Variants in NIN observed in about 807,000 individuals in gnomAD.
The protein encoded by NIN is glycogen synthase kinase 3 beta-interacting protein.
Under a neutral mutation model 257.6 loss-of-function variants are expected in NIN, and 137 were observed. That is an observed-to-expected ratio of 0.53 (90% confidence interval 0.46 to 0.61). The LOEUF (loss-of-function observed/expected upper bound fraction) is 0.61, where lower values mean the gene tolerates loss of function less well. Among genes scored for constraint, NIN ranks in the 20% least tolerant of loss-of-function variants. The probability of loss-of-function intolerance (pLI) is 0.00; values close to 1 mark genes in which losing one functional copy is unlikely to be tolerated. For missense variants in NIN, 2,439 were observed against 2,501.2 expected, an observed-to-expected ratio of 0.98 and a Z score of 0.53; for synonymous variants, 918 against 919.8, an observed-to-expected ratio of 1.00 and a Z score of 0.04.
intron 5 of NIN, among the ~76,000 whole-genome samples, chr14:50,784,863 T>C (rs183481034): frequency 4.6e-5 from 7 of 152,272 alleles, no homozygotes; most frequent in African/African-American, 1.4e-4. Context: ...CTGCAGACAG[T>C]GTCCCCTAGG....
At position 50,770,391 on chromosome 14, in the gene NIN, T is replaced by C. The variant is rs1422162751; in HGVS notation, c.1431A>G (p.Leu477=). 1.2e-6 allele frequency: 2 copies of C among 1,614,088 alleles called. No individual in the cohort carries two copies. ...NYIRDRLALS[L]KENSRLENEL... is the part of the protein sequence containing the mutation. ...ACAGAACTAATAAGATGATTACCTT[T>C]AAAGAGAGGGCAAGGCGGTCCCGGA... The change falls in exon 12 of 31, where the codon TTA becomes TTG. Residue 477 remains leucine, a synonymous_variant. Transcript: ENST00000530997.
At chr14:50,733,138 G>A (rs2040803315) in intron 28 of NIN, among the ~76,000 whole-genome samples, 1 of 151,564 alleles carries the variant, frequency 6.6e-6, no homozygotes, top group Non-Finnish European at 1.5e-5. Flanking sequence ...TGTTGCCTAG[G>A]CTGGAGTGCA....
intron 17 of NIN, 135 bp downstream of exon 17, chr14:50,759,722 C>T: frequency 1.1e-6 from 1 of 883,562 alleles, no homozygotes; most frequent in Non-Finnish European, 1.7e-6. Flanking sequence ...ATCTCCTGAC[C>T]TCGTGATCCG....
chr14:50,729,594 G>C lies in NIN; in HGVS notation c.6007C>G (p.Gln2003Glu). 1 of 1,614,074 alleles carries C rather than the reference G, an allele frequency of 6.2e-7. No homozygotes were observed. Among genetic ancestry groups the C allele is most frequent in the South Asian group, 1.1e-5 (1 of 91,026 alleles). Residue 2003 changes from glutamine to glutamate, a missense_variant, in exon 29 of 31, where the codon CAG (glutamine) becomes GAG (glutamate). By Grantham distance (29) the Gln-to-Glu change is conservative. This residue lies in a region of NIN where 2,043 missense variants were observed against 2,050.2 expected (regional missense o/e 1.00). Transcript: ENST00000530997. Reference sequence around the variant, plus strand: ...AGGTGCTGGTTTATCCTTTCTGCCTGCAGCAGCTGGCGTTGAAGCTGCAGA... The same window carrying C: ...AGGTGCTGGTTTATCCTTTCTGCCTCCAGCAGCTGGCGTTGAAGCTGCAGA... ...QFLQLQRQLL[Q>E]AERINQHLQE...
intron 26 of NIN, among the ~76,000 whole-genome samples, chr14:50,738,752 G>T (rs573707514): frequency 2.0e-5 from 3 of 152,204 alleles, no homozygotes; most frequent in African/African-American, 7.2e-5. Flanking sequence ...AGCAGTTTCT[G>T]GCATGGAGTA....
intron 24 of NIN, 97 bp from the exon 25 acceptor site, chr14:50,741,825 C>T: frequency 1.5e-6 from 2 of 1,364,744 alleles, no homozygotes; most frequent in Non-Finnish European, 2.0e-6. Context: ...ACTTTCAAGT[C>T]TGTTTGTTTC....
At position 50,723,661 on chromosome 14, in the gene NIN, G is replaced by A. The variant is rs1374148587; in HGVS notation, c.6204C>T (p.Asn2068=). The change falls in exon 31 of 31, where the codon AAC becomes AAT. Residue 2068 remains asparagine (N), a synonymous_variant. Transcript: ENST00000530997. The part of the protein sequence containing the change: ...VNQLKEQLCK[N]TKADAMVKDL... ...CCTTCACCATTGCGTCTGCCTTAGT[G>A]TTCTTGCAGAGCTAGAAACAGAACC... 6.2e-7 allele frequency: 1 copy of A among 1,613,546 alleles called. No individual in the cohort carries two copies. Among genetic ancestry groups the A allele is most frequent in the African/African-American group, 1.3e-5 (1 of 74,906 alleles).
Position 50,741,349 on chromosome 14 carries a change from A to G in NIN, c.5448+233T>C, listed in dbSNP as rs549715291. 2.0e-5 allele frequency among the ~76,000 whole-genome samples: 3 copies of G among 152,348 alleles called. No homozygotes were observed. The East Asian group carries it at 5.8e-4, about 29-fold the overall frequency. On this transcript the variant is annotated intron_variant, in intron 25 of 30. Transcript: ENST00000530997. ...AAGCATCCCTAAACTACAGTGGCAG[A>G]GGGTACAAAAGTGGTTCCCTTGGGG...
At chr14:50,798,783 T>C (rs2043954721) in intron 4 of NIN, among the ~76,000 whole-genome samples, 1 of 152,162 alleles carries the variant, frequency 6.6e-6, no homozygotes, top group Non-Finnish European at 1.5e-5. Context: ...TAGCTCCCTA[T>C]TTATTTATTT....
At chr14:50,764,089 A>C in intron 14 of NIN, 125 bp from the exon 15 acceptor site, 1 of 767,800 alleles carries the variant, frequency 1.3e-6, no homozygotes, top group South Asian at 1.8e-5. Context: ...GACACTATCA[A>C]GAAAGTAGAA....
At position 50,757,674 on chromosome 14, in the gene NIN, G is replaced by A. The variant is rs2042093612; in HGVS notation, c.3356C>T (p.Thr1119Ile). The A allele has an allele frequency of 6.2e-7, 1 of 1,614,142 alleles. No homozygotes were observed. The highest frequency in any genetic ancestry group is 1.1e-5 in the South Asian group (1 of 91,080). ...TAAAAACTGCTCTGTTTGTTCCGCA[G>A]TATTTCCAAAAAACTCAGTAGCTGG... Reference protein sequence around the residue: ...DEPATEFFGNTAEQTEQFLQQ... With the variant: ...DEPATEFFGNIAEQTEQFLQQ... The change falls in exon 18 of 31, where the codon ACT becomes ATT. Residue 1119 changes from threonine (T) to isoleucine (I), a missense_variant. This residue lies in a region of NIN where 2,043 missense variants were observed against 2,050.2 expected (regional missense o/e 1.00). Transcript: ENST00000530997.
intron 3 of NIN, among the ~76,000 whole-genome samples, chr14:50,810,725 G>GA (rs1470858791): frequency 6.6e-6 from 1 of 151,218 alleles, no homozygotes; most frequent in African/African-American, 2.4e-5. Context: ...GCAGTGGCGT[G>GA]TCTCGGCTCA....
At chr14:50,801,814 C>CTG (rs2044115542) in intron 4 of NIN, among the ~76,000 whole-genome samples, 1 of 152,116 alleles carries the variant, frequency 6.6e-6, no homozygotes, top group African/African-American at 2.4e-5. Context: ...CAAAACAATG[C>CTG]CTGGTCCTAT....
intron 5 of NIN, chr14:50,792,300 C>G (rs1023545918): frequency 6.0e-6 from 1 of 165,506 alleles, no homozygotes; most frequent in Admixed American, 5.9e-5. Flanking sequence ...AATGCCTGAA[C>G]GCGTTGCTTT....
At position 50,758,622 on chromosome 14, in the gene NIN, AT is replaced by A; in HGVS notation, c.2407del (p.Met803TrpfsTer12). ...GGTTCTTCTATTACACTCTGTTTCC[AT>A]TTTTTCCCTAAATATAGTCAACATA... ...QRELQEGREK[M>X]ETECNRRTSQ... On this transcript the variant is annotated frameshift_variant, in exon 18 of 31. Coordinates refer to ENST00000530997, the MANE Select transcript of NIN (RefSeq NM_020921.4). LOFTEE classifies it high-confidence loss of function. The A allele has an allele frequency of 6.4e-7, 1 of 1,556,704 alleles. No homozygotes were observed. The highest frequency in any genetic ancestry group is 2.1e-5 in the Admixed American group (1 of 48,562).
intron 14 of NIN, among the ~76,000 whole-genome samples, chr14:50,765,471 C>T (rs2042443092): frequency 6.6e-6 from 1 of 152,134 alleles, no homozygotes; most frequent in Admixed American, 6.5e-5. Context: ...TTGTTTTACT[C>T]ATCTCTGCAC....
At chr14:50,810,305 A>G (rs1408820862) in intron 3 of NIN, among the ~76,000 whole-genome samples, 1 of 151,974 alleles carries the variant, frequency 6.6e-6, no homozygotes, top group Non-Finnish European at 1.5e-5. Context: ...CCTGATTATT[A>G]TAAACTTCAT....
At position 50,756,634 on chromosome 14, in the gene NIN, T is replaced by A; in HGVS notation, c.4396A>T (p.Arg1466Trp). The change falls in exon 18 of 31, where the codon AGG (arginine) becomes TGG (tryptophan). Residue 1466 changes from arginine (R) to tryptophan (W), a missense_variant. Physicochemically the swap from Arg to Trp is moderately radical, Grantham distance 101 (BLOSUM62 -3). Coordinates refer to ENST00000530997, the MANE Select transcript of NIN (RefSeq NM_020921.4). ...ATAGTGACTCTCTCCTTCAACTTCC[T>A]AGTCAGCTCCTGTAACTTTGTTTTC... ...LEKTKLQELT[R>W]KLKERVTILV... The A allele has an allele frequency of 6.4e-7, 1 of 1,559,208 alleles. No homozygotes were observed. Among genetic ancestry groups the A allele is most frequent in the Non-Finnish European group, 8.7e-7 (1 of 1,150,272 alleles).
intron 3 of NIN, among the ~76,000 whole-genome samples, chr14:50,811,153 G>A (rs2044580028): frequency 6.7e-6 from 1 of 149,932 alleles, no homozygotes; most frequent in African/African-American, 2.5e-5. Context: ...TTGTCACCCA[G>A]GCTGGAGTGC....
Sources: allele counts gnomAD v4.1 joint callset (sites outside exome capture counted in the v4.1 genomes callset), GRCh38; gene constraint gnomAD v4.1.1; regional missense constraint gnomAD v4.1.1; transcripts MANE v1.5; gene names NCBI Gene and HGNC (gene_info 2026-07-23, HGNC 2026-07-21).